Variants in SYCP2L observed in about 807,000 individuals in gnomAD.
The protein encoded by SYCP2L is synaptonemal complex protein 2 like, also known as synaptonemal complex protein 2-like.
SYCP2L carries 98 observed loss-of-function variants against 125.8 expected under a neutral mutation model. The observed-to-expected ratio is 0.78, with a 90% CI of 0.66 to 0.92. The LOEUF (loss-of-function observed/expected upper bound fraction) is 0.92, where lower values mean the gene tolerates loss of function less well. Ranked by LOEUF, SYCP2L falls within the 40% of genes least tolerant of loss-of-function variation. The pLI is 0.00. For synonymous variants in SYCP2L, 317 were observed against 325.4 expected (o/e 0.97, Z 0.28); for missense variants, 842 against 936.4 (o/e 0.90, Z 1.32).
intron 29 of SYCP2L, among the ~76,000 whole-genome samples, chr6:10,973,253 T>G (rs534011296): frequency 1.1e-4 from 16 of 151,964 alleles, no homozygotes; most frequent in Non-Finnish European, 1.8e-4. Context: ...GGCTGATAGG[T>G]GGGGCATGGT....
At chr6:10,963,728 T>G in intron 28 of SYCP2L, 54 bp from the exon 29 acceptor site, 1 of 1,576,026 alleles carries the variant, frequency 6.3e-7, no homozygotes, top group Non-Finnish European at 8.7e-7. Context: ...TGTATGTTCT[T>G]GTTTTTAAAT....
chr6:10,941,837 A>G (rs1399857697), intron 21 of SYCP2L, among the ~76,000 whole-genome samples: 1 of 152,202 alleles, frequency 6.6e-6, no homozygotes. Flanking sequence ...ACATGCTGCT[A>G]TAAAGACACA....
At chr6:10,930,832 A>G (rs1780985557) in intron 19 of SYCP2L, among the ~76,000 whole-genome samples, 1 of 152,184 alleles carries the variant, frequency 6.6e-6, no homozygotes, top group South Asian at 2.1e-4. Flanking sequence ...AACCTTTGGA[A>G]AAAAGAATAG....
chr6:10,913,472 C>G (rs1456190910), intron 14 of SYCP2L, among the ~76,000 whole-genome samples: 1 of 151,942 alleles, frequency 6.6e-6, no homozygotes, highest in Admixed American at 6.5e-5. Context: ...TTCCCCTGAT[C>G]ATTAGTGATG....
At chr6:10,927,884 G>T (rs186418008) in intron 17 of SYCP2L, among the ~76,000 whole-genome samples, 2 of 152,064 alleles carry the variant, frequency 1.3e-5, no homozygotes, top group African/African-American at 4.8e-5. Context: ...CCACCCTCAG[G>T]GGCGCATTCT....
Position 10,893,978 on chromosome 6 carries a change from T to C in SYCP2L, c.190T>C (p.Tyr64His), listed in dbSNP as rs1343682757. The part of the protein sequence containing the change: ...FPQKYNRLLL[Y>H]RLDRSINKEL... ...TCAAAAATATAATCGTCTTCTATTA[T>C]ACCGTCTTGACAGATCAATAAATAA... is the stretch of plus-strand genomic sequence containing the variant. Residue 64 changes from tyrosine (Y) to histidine (H), a missense_variant, in exon 3 of 30, where the codon TAC (tyrosine) becomes CAC (histidine). Coordinates refer to ENST00000283141, the MANE Select transcript of SYCP2L (RefSeq NM_001040274.3). The C allele has an allele frequency of 1.2e-6, 2 of 1,611,534 alleles. No individual in the cohort carries two copies. The highest frequency in any genetic ancestry group is 1.3e-5 in the African/African-American group (1 of 74,770).
intron 16 of SYCP2L, 152 bp from the exon 17 acceptor site, chr6:10,927,088 T>A: frequency 7.3e-7 from 1 of 1,379,112 alleles, no homozygotes; most frequent in Non-Finnish European, 9.5e-7. Context: ...CCTGTACCCA[T>A]AGCTTTCTGA....
chr6:10,959,869 CAA>C (rs201059528), intron 26 of SYCP2L, among the ~76,000 whole-genome samples: 11 of 126,196 alleles, frequency 8.7e-5, no homozygotes, highest in East Asian at 2.2e-4. Flanking sequence ...AACTCTGTCT[CAA>C]AAAAAAAAAA....
chr6:10,942,752 A>G lies in SYCP2L; in HGVS notation c.1954+6A>G, dbSNP rs1370308551. 3 of 1,583,944 alleles carry G rather than the reference A, an allele frequency of 1.9e-6. No individual in the cohort carries two copies. In the African/African-American group the frequency reaches 4.3e-5, roughly 23 times the overall value. ...GAGAAACTTGGAAGACAAAGGTAAGAGAATAGTACTTTTTTTTTTTTTTTT... is the reference window on the plus strand; with the variant it reads ...GAGAAACTTGGAAGACAAAGGTAAGGGAATAGTACTTTTTTTTTTTTTTTT... On this transcript the variant is annotated splice_donor_region_variant and intron_variant, in intron 23 of 29. Coordinates refer to ENST00000283141, the MANE Select transcript of SYCP2L (RefSeq NM_001040274.3).
At chr6:10,969,151 T>C (rs1269710987) in intron 29 of SYCP2L, among the ~76,000 whole-genome samples, 1 of 152,220 alleles carries the variant, frequency 6.6e-6, no homozygotes, top group Non-Finnish European at 1.5e-5. Context: ...AAGTAGATTT[T>C]GTAAGCAGAC....
At chr6:10,949,766 C>A (rs1439813506) in intron 23 of SYCP2L, among the ~76,000 whole-genome samples, 3 of 35,408 alleles carry the variant, frequency 8.5e-5, no homozygotes, top group Non-Finnish European at 1.3e-4. Context: ...GTCTTTTTTT[C>A]ATCCTTGTGA....
At position 10,887,082 on chromosome 6, in the gene SYCP2L, A is replaced by G. The variant is rs1337747343; in HGVS notation, c.-45A>G. On this transcript the variant is annotated 5_prime_UTR_variant, in exon 1 of 30. Transcript: ENST00000283141. ...AGCAGGAGAGGGCCGACCGAGCGCA[A>G]CAAAGCTGAGCGGCGCGTCGCTTCA... 3.1e-6 allele frequency: 5 copies of G among 1,613,812 alleles called. No homozygotes were observed. The East Asian group carries it at 6.7e-5, about 22-fold the overall frequency.
Position 10,907,526 on chromosome 6 carries a change from T to C in SYCP2L, c.677-16T>C, listed in dbSNP as rs187128520. On this transcript the variant is annotated splice_polypyrimidine_tract_variant and intron_variant, in intron 9 of 29. Transcript: ENST00000283141. ...TGCCCAGAATTATCTATGTCTACTA[T>C]GTTTTTAATCTCTAGATTATGACCA... 1.4e-3 allele frequency: 2,274 copies of C among 1,603,356 alleles called. 8 individuals carry two copies. The highest frequency in any genetic ancestry group is 1.3e-3 in the Non-Finnish European group (1,571 of 1,176,486).
intron 6 of SYCP2L, among the ~76,000 whole-genome samples, chr6:10,901,941 G>A (rs1293316075): frequency 1.3e-5 from 2 of 152,218 alleles, no homozygotes; most frequent in African/African-American, 4.8e-5. Flanking sequence ...CTTGTTGGTT[G>A]CAACCAGAAC....
rs1205724403 is a variant in SYCP2L at position 10,922,465 on chromosome 6, C to CTT, written c.1073-2014_1073-2013dup. Reference sequence around the variant, plus strand: ...ATCCCACGGCCCAGTTAGCTAGTTACTTTTTTTTTTTTTTTTTTGAGACGA... The same window carrying CTT: ...ATCCCACGGCCCAGTTAGCTAGTTACTTTTTTTTTTTTTTTTTTTTGAGACGA... On this transcript the variant is annotated intron_variant, in intron 14 of 29. Transcript: ENST00000283141. Among the ~76,000 whole-genome samples the CTT allele has an allele frequency of 1.6e-4, 22 of 135,660 alleles. 1 individual carries two copies. The highest frequency in any genetic ancestry group is 6.3e-4 in the East Asian group (3 of 4,780). 89.0% of individuals were successfully genotyped at this position (135,660 alleles called of 152,430 possible).
At chr6:10,957,368 C>A (rs546657042) in intron 25 of SYCP2L, among the ~76,000 whole-genome samples, 1 of 152,260 alleles carries the variant, frequency 6.6e-6, no homozygotes, top group South Asian at 2.1e-4. Flanking sequence ...TGTCCATTTG[C>A]CCCAGTGGGA....
At chr6:10,928,135 C>G (rs956233230) in intron 17 of SYCP2L, among the ~76,000 whole-genome samples, 3 of 151,576 alleles carry the variant, frequency 2.0e-5, no homozygotes, top group African/African-American at 7.3e-5. Flanking sequence ...ATCACAGGGT[C>G]CTGAGGTGAC....
intron 14 of SYCP2L, among the ~76,000 whole-genome samples, 155 bp from the exon 15 acceptor site, chr6:10,924,341 T>A (rs1780860962): frequency 6.6e-6 from 1 of 152,232 alleles, no homozygotes; most frequent in Non-Finnish European, 1.5e-5. Flanking sequence ...TAAAGGACAA[T>A]TTCAAAGTAA....
chr6:10,962,520 C>A (rs1317809000), intron 28 of SYCP2L, among the ~76,000 whole-genome samples: 1 of 152,092 alleles, frequency 6.6e-6, no homozygotes, highest in African/African-American at 2.4e-5. Flanking sequence ...GAATCAAGAC[C>A]TCTTTACATA....
Sources: gnomAD v4.1 joint callset for allele counts (sites outside exome capture counted in the v4.1 genomes callset) on GRCh38, gnomAD v4.1.1 for gene constraint, MANE v1.5 for transcripts, NCBI Gene and HGNC (gene_info 2026-07-23, HGNC 2026-07-21) for gene names.